ERBB4: variants seen among roughly 807,000 people sequenced by gnomAD.
The protein encoded by ERBB4 is erb-b2 receptor tyrosine kinase 4, also known as receptor tyrosine-protein kinase erbB-4.
Under a neutral mutation model 158.0 loss-of-function variants are expected in ERBB4, and 42 were observed. The observed-to-expected ratio is 0.27, with a 90% CI of 0.21 to 0.34. The LOEUF is 0.34. Among genes scored for constraint, ERBB4 ranks in the 10% least tolerant of loss-of-function variants. The pLI is 1.00. For missense variants in ERBB4, 1,333 were observed against 1,624.1 expected (o/e 0.82, Z 3.08); for synonymous variants, 583 against 558.7 (o/e 1.04, Z -0.61).
intron 20 of ERBB4, among the ~76,000 whole-genome samples, chr2:211,487,148 C>A (rs13020699): frequency 1.7e-5 from 2 of 114,924 alleles, no homozygotes; most frequent in African/African-American, 6.5e-5. Context: ...CCTCCCCCCT[C>A]CCCCCACCCC....
intron 19 of ERBB4, among the ~76,000 whole-genome samples, chr2:211,564,124 T>C (rs1172772711): frequency 6.6e-6 from 1 of 151,918 alleles, no homozygotes; most frequent in Non-Finnish European, 1.5e-5. Flanking sequence ...AAGGAGGCAA[T>C]AAAGATAGAA....
At chr2:211,652,995 T>C (rs557598384) in intron 16 of ERBB4, among the ~76,000 whole-genome samples, 162 of 152,180 alleles carry the variant, frequency 1.1e-3, no homozygotes, top group Non-Finnish European at 1.8e-3. Context: ...TTTGGATATA[T>C]ATTTGACAAA....
intron 1 of ERBB4, among the ~76,000 whole-genome samples, chr2:212,295,583 C>T (rs994992038): frequency 2.6e-5 from 4 of 152,030 alleles, no homozygotes; most frequent in African/African-American, 9.7e-5. Context: ...GTGGAAAGAA[C>T]AGGGGTTTTA....
At chr2:212,243,884 T>C (rs982124845) in intron 1 of ERBB4, among the ~76,000 whole-genome samples, 3 of 152,174 alleles carry the variant, frequency 2.0e-5, no homozygotes, top group African/African-American at 7.2e-5. Context: ...AAAAATGATC[T>C]TAATGATCCC....
chr2:211,442,468 G>C (rs1192104969), intron 20 of ERBB4, among the ~76,000 whole-genome samples: 1 of 151,984 alleles, frequency 6.6e-6, no homozygotes, highest in Non-Finnish European at 1.5e-5. Flanking sequence ...TTTTAAAAAA[G>C]CTTTTTGGAT....
intron 2 of ERBB4, among the ~76,000 whole-genome samples, chr2:212,069,494 C>T (rs577187218): frequency 6.6e-5 from 10 of 152,036 alleles, no homozygotes; most frequent in South Asian, 2.1e-4. Flanking sequence ...TCCCCACTCC[C>T]GATCAGGAAC....
At chr2:212,504,618 A>G (rs1345016228) in intron 1 of ERBB4, among the ~76,000 whole-genome samples, 1 of 152,188 alleles carries the variant, frequency 6.6e-6, no homozygotes, top group Non-Finnish European at 1.5e-5. Flanking sequence ...ATGTAAATGA[A>G]CCAAACTCCC....
At chr2:211,487,379 AATAAATAG>A (rs1559217513) in intron 20 of ERBB4, among the ~76,000 whole-genome samples, 1 of 152,042 alleles carries the variant, frequency 6.6e-6, no homozygotes, top group Non-Finnish European at 1.5e-5. Context: ...TAAAAAAATA[AATAAATAG>A]CAAATGTAAT....
rs905350560 is a variant in ERBB4, at chr2:212,263,955, T to C, written c.83-139052A>G. Among the ~76,000 whole-genome samples, 7 of 152,248 alleles carry C rather than the reference T, an allele frequency of 4.6e-5. No homozygotes were observed. The South Asian group carries it at 1.5e-3, about 32-fold the overall frequency. ...CCCTTTGTAATATCTATGGCTTGTC[T>C]GTCCTACTAAATGGTAAGCTCCTAT... On this transcript the variant is annotated intron_variant, in intron 1 of 27. Coordinates refer to ENST00000342788, the MANE Select transcript of ERBB4 (RefSeq NM_005235.3).
intron 16 of ERBB4, among the ~76,000 whole-genome samples, chr2:211,636,618 G>A (rs868320060): frequency 8.6e-5 from 13 of 151,956 alleles, no homozygotes; most frequent in Middle Eastern, 6.8e-3. Flanking sequence ...ACTCTCCAAA[G>A]TGCCTCTATG....
chr2:211,597,918 TAA>T (rs2068687272), intron 19 of ERBB4, among the ~76,000 whole-genome samples: 2 of 152,270 alleles, frequency 1.3e-5, no homozygotes, highest in African/African-American at 2.4e-5. Flanking sequence ...TATTATTTGA[TAA>T]GAGAATCTAT....
At chr2:212,294,782 T>C (rs1258005800) in intron 1 of ERBB4, among the ~76,000 whole-genome samples, 2 of 152,074 alleles carry the variant, frequency 1.3e-5, no homozygotes, top group Non-Finnish European at 2.9e-5. Context: ...TAAAACACCT[T>C]ATATATAAAT....
intron 1 of ERBB4, among the ~76,000 whole-genome samples, chr2:212,205,532 T>C (rs1265051121): frequency 1.3e-5 from 2 of 152,216 alleles, no homozygotes; most frequent in Non-Finnish European, 2.9e-5. Context: ...CTTTAAAAAA[T>C]AATTTTTACT....
intron 3 of ERBB4, among the ~76,000 whole-genome samples, chr2:211,927,959 T>C (rs1014820348): frequency 6.6e-6 from 1 of 152,142 alleles, no homozygotes; most frequent in African/African-American, 2.4e-5. Flanking sequence ...CAGGGGTACA[T>C]CAGTGACACT....
intron 1 of ERBB4, among the ~76,000 whole-genome samples, chr2:212,361,389 A>G (rs2089680724): frequency 6.6e-6 from 1 of 151,630 alleles, no homozygotes; most frequent in Non-Finnish European, 1.5e-5. Flanking sequence ...ACCAAGACAG[A>G]GTGGCTCTTT....
intron 3 of ERBB4, among the ~76,000 whole-genome samples, chr2:211,798,908 T>A (rs1252301422): frequency 6.6e-6 from 1 of 152,176 alleles, no homozygotes; most frequent in African/African-American, 2.4e-5. Flanking sequence ...CTGAAGTATC[T>A]TAGATATCTG....
rs541506985 is a variant in ERBB4 at position 211,929,826 on chromosome 2, CTA to C, written c.421+17602_421+17603del. 1.2e-3 allele frequency among the ~76,000 whole-genome samples: 177 copies of C among 152,146 alleles called. 1 individual carries two copies. Among genetic ancestry groups the C allele is most frequent in the Middle Eastern group, 0.01 (3 of 294 alleles). Reference sequence around the variant, plus strand: ...CATATAAATGCATCTGTGTATGTGTCTATACATATGCATCTATACACATGTAC... The same window carrying C: ...CATATAAATGCATCTGTGTATGTGTCTACATATGCATCTATACACATGTAC... On this transcript the variant is annotated intron_variant, in intron 3 of 27. Coordinates refer to ENST00000342788, the MANE Select transcript of ERBB4 (RefSeq NM_005235.3).
chr2:212,055,703 C>T (rs2077542036), intron 2 of ERBB4, among the ~76,000 whole-genome samples: 1 of 152,240 alleles, frequency 6.6e-6, no homozygotes, highest in African/African-American at 2.4e-5. Context: ...TCCAAAAGAC[C>T]TGCAGCTGAG....
intron 1 of ERBB4, among the ~76,000 whole-genome samples, chr2:212,134,172 T>C (rs1051961594): frequency 6.6e-6 from 1 of 151,202 alleles, no homozygotes; most frequent in Non-Finnish European, 1.5e-5. Flanking sequence ...ATTTATCATA[T>C]GCTTTTGCAG....
Sources: allele counts gnomAD v4.1 joint callset (sites outside exome capture counted in the v4.1 genomes callset), GRCh38; gene constraint gnomAD v4.1.1; transcripts MANE v1.5; gene names NCBI Gene and HGNC (gene_info 2026-07-23, HGNC 2026-07-21).